The following GPLD1 variants were observed in gnomAD, a reference collection of about 807,000 sequenced individuals.
GPLD1 encodes glycosylphosphatidylinositol specific phospholipase D1.
A neutral mutation model predicts 112.6 loss-of-function variants in GPLD1; 84 were observed. The observed-to-expected ratio is 0.75, with a 90% CI of 0.63 to 0.89. The LOEUF (loss-of-function observed/expected upper bound fraction) is 0.89. Ranked by LOEUF, GPLD1 falls within the 40% of genes least tolerant of loss-of-function variation. The probability of loss-of-function intolerance (pLI) is 0.00; values close to 1 mark genes in which losing one functional copy is unlikely to be tolerated. For synonymous variants in GPLD1, 386 were observed against 403.8 expected, an observed-to-expected ratio of 0.96 and a Z score of 0.53; for missense variants, 1,044 against 1,051.5, an observed-to-expected ratio of 0.99 and a Z score of 0.10.
intron 6 of GPLD1, 153 bp downstream of exon 6, chr6:24,473,466 G>C: frequency 2.0e-6 from 1 of 493,288 alleles, no homozygotes. Context: ...TGTTAAATGA[G>C]GTACATCTCT....
rs1057256650 is a variant in GPLD1, at chr6:24,458,807, G to A, written c.1008+1472C>T. On this transcript the variant is annotated intron_variant, in intron 12 of 24. Coordinates refer to ENST00000230036, the MANE Select transcript of GPLD1 (RefSeq NM_001503.4). ...GGCAGGGAATTGCTTGAACCCGGGA[G>A]GCAGAGGTTACAGTGAGCTGAGGTG... is the stretch of plus-strand genomic sequence containing the variant. Among the ~76,000 whole-genome samples the A allele has an allele frequency of 3.3e-5, 5 of 152,058 alleles. No individual in the cohort carries two copies. In the East Asian group the frequency reaches 7.7e-4, roughly 23 times the overall value.
At chr6:24,445,508 G>T in intron 20 of GPLD1, 38 bp downstream of exon 20, 1 of 1,359,982 alleles carries the variant, frequency 7.4e-7, no homozygotes, top group South Asian at 1.2e-5. Flanking sequence ...GCAGCCACAT[G>T]ACTGAAAGGA....
intron 12 of GPLD1, 150 bp downstream of exon 12, chr6:24,460,129 C>G: frequency 1.2e-6 from 1 of 831,752 alleles, no homozygotes; most frequent in Non-Finnish European, 2.0e-6. Flanking sequence ...AACTCCTGGA[C>G]TCAAGGGATC....
At chr6:24,492,077 T>C (rs1764572394), upstream of GPLD1, among the ~76,000 whole-genome samples, 1 of 152,222 alleles carries the variant, frequency 6.6e-6, no homozygotes, top group African/African-American at 2.4e-5. Flanking sequence ...AGCATGATTC[T>C]ACCATTTAGA....
rs1173224017 is a variant in GPLD1, at chr6:24,464,108, T to C, written c.822-1313A>G. On this transcript the variant is annotated intron_variant, in intron 10 of 24. Transcript: ENST00000230036. ...TAAGTGCAGGTCAATCACTCAAACATGCCCTTATGTTATGAGTCCTTCCAA... is the reference window on the plus strand; with the variant it reads ...TAAGTGCAGGTCAATCACTCAAACACGCCCTTATGTTATGAGTCCTTCCAA... Among the ~76,000 whole-genome samples the C allele has an allele frequency of 2.6e-5, 4 of 152,198 alleles. 1 individual carries two copies. In the South Asian group the frequency reaches 6.2e-4, roughly 24 times the overall value.
chr6:24,450,102 T>A (rs1455941399), intron 14 of GPLD1, among the ~76,000 whole-genome samples: 1 of 152,152 alleles, frequency 6.6e-6, no homozygotes, highest in South Asian at 2.1e-4. Context: ...CTGTCTGCCT[T>A]GAGGGGAAGC....
At chr6:24,483,900 CTTTGTTTTGT>C (rs60475332) in intron 2 of GPLD1, among the ~76,000 whole-genome samples, 27,087 of 149,432 alleles carry the variant, frequency 0.18, 2,820 homozygotes, top group African/African-American at 0.28. Flanking sequence ...TGCCCCACCA[CTTTGTTTTGT>C]TTTGTTTTGT....
intron 2 of GPLD1, among the ~76,000 whole-genome samples, chr6:24,484,213 C>T (rs1014142668): frequency 6.6e-6 from 1 of 151,562 alleles, no homozygotes; most frequent in African/African-American, 2.4e-5. Context: ...CCGTGCCTGG[C>T]CCACCATTTG....
intron 10 of GPLD1, among the ~76,000 whole-genome samples, chr6:24,463,825 C>T (rs1347128538): frequency 6.6e-6 from 1 of 152,136 alleles, no homozygotes; most frequent in Non-Finnish European, 1.5e-5. Flanking sequence ...TTTTTGGAGA[C>T]TTCTCTGAAT....
At chr6:24,452,907 TC>T (rs756495761) in intron 14 of GPLD1, among the ~76,000 whole-genome samples, 6 of 151,936 alleles carry the variant, frequency 3.9e-5, no homozygotes, top group Non-Finnish European at 7.4e-5. Flanking sequence ...TCTAGGGTTC[TC>T]CCCCTAGCAC....
intron 10 of GPLD1, 72 bp downstream of exon 10, chr6:24,466,608 C>A (rs1763625145): frequency 2.4e-6 from 3 of 1,272,900 alleles, no homozygotes; most frequent in Non-Finnish European, 3.4e-6. Flanking sequence ...GTTGAAAAAC[C>A]TGAGAGTTAT....
At chr6:24,473,800 T>G in intron 5 of GPLD1, 133 bp from the exon 6 acceptor site, 1 of 542,502 alleles carries the variant, frequency 1.8e-6, no homozygotes, top group Non-Finnish European at 3.4e-6. Context: ...GACTCAATTT[T>G]CACACTAACA....
At chr6:24,468,703 G>A (rs561273571) in intron 7 of GPLD1, among the ~76,000 whole-genome samples, 36 of 152,176 alleles carry the variant, frequency 2.4e-4, no homozygotes, top group African/African-American at 6.7e-4. Flanking sequence ...ACAGGCATGC[G>A]CCACCATGCC....
intron 1 of GPLD1, among the ~76,000 whole-genome samples, chr6:24,488,628 TGG>T (rs75702045): frequency 6.6e-6 from 1 of 151,710 alleles, no homozygotes; most frequent in African/African-American, 2.4e-5. Context: ...GGTAGCTATG[TGG>T]GGGGGGCGGA....
chr6:24,463,663 AC>A (rs1407486053), intron 10 of GPLD1, among the ~76,000 whole-genome samples: 1 of 152,224 alleles, frequency 6.6e-6, no homozygotes, highest in Non-Finnish European at 1.5e-5. Flanking sequence ...TGGCAATGTA[AC>A]TACCACTACT....
At chr6:24,436,763 G>C (rs781467324) in intron 21 of GPLD1, 27 bp from the exon 22 acceptor site, 5 of 1,609,858 alleles carry the variant, frequency 3.1e-6, no homozygotes, top group South Asian at 2.2e-5. Context: ...CCGACAGAAG[G>C]AAGTATTTGA....
intron 18 of GPLD1, among the ~76,000 whole-genome samples, chr6:24,446,522 T>C (rs956393293): frequency 6.6e-6 from 1 of 151,808 alleles, no homozygotes; most frequent in Non-Finnish European, 1.5e-5. Context: ...AAGTGAGGAA[T>C]GGGGCACAGA....
chr6:24,466,842 A>C, intron 9 of GPLD1, 23 bp from the exon 10 acceptor site: 1 of 1,602,908 alleles, frequency 6.2e-7, no homozygotes, highest in Non-Finnish European at 8.5e-7. Context: ...GAAAGAAAAA[A>C]TAAAATGAAT....
In GPLD1 at chr6:24,489,452, T is replaced by C. The variant is rs1764492479; in HGVS notation, c.60A>G (p.Arg20=). Residue 20 remains arginine (R), a synonymous_variant, in exon 1 of 25, where the codon AGA becomes AGG. Coordinates refer to ENST00000230036, the MANE Select transcript of GPLD1 (RefSeq NM_001503.4). The stretch of plus-strand genomic sequence containing the variant: ...GTGTTGAAAGGCCACACGGTGAACC[T>C]CTATGGCAGAGAGAACCCAACATGA... The part of the protein sequence containing the change: ...LLIMLGSLCH[R]GSPCGLSTHV... 3 of 1,613,812 alleles carry C rather than the reference T, an allele frequency of 1.9e-6. No individual in the cohort carries two copies. The highest frequency in any genetic ancestry group is 1.3e-5 in the African/African-American group (1 of 75,004).
Sources: allele counts gnomAD v4.1 joint callset (sites outside exome capture counted in the v4.1 genomes callset), GRCh38; gene constraint gnomAD v4.1.1; transcripts MANE v1.5; gene names NCBI Gene and HGNC (gene_info 2026-07-23, HGNC 2026-07-21).